SNTB1: variants seen among roughly 807,000 people sequenced by gnomAD.
The protein encoded by SNTB1 is syntrophin beta 1, also known as beta-1-syntrophin.
SNTB1 carries 36 observed loss-of-function variants against 48.9 expected under a neutral mutation model. The ratio of observed to expected loss-of-function variants is 0.74; its 90% CI spans 0.56 to 0.97. The LOEUF (loss-of-function observed/expected upper bound fraction) is 0.97. SNTB1 is among the 50% of genes least tolerant of loss of function. SNTB1 has a pLI of 0.00. For missense variants in SNTB1, 786 were observed against 703.4 expected, an observed-to-expected ratio of 1.12 and a Z score of -1.33; for synonymous variants, 299 against 294.6, an observed-to-expected ratio of 1.01 and a Z score of -0.15.
chr8:120,721,506 C>G (rs1352267341), intron 1 of SNTB1, among the ~76,000 whole-genome samples: 1 of 152,198 alleles, frequency 6.6e-6, no homozygotes, highest in African/African-American at 2.4e-5. Context: ...ATCCTAACTT[C>G]CAGTTAAAAA....
At chr8:120,695,430 T>C (rs557647511) in intron 1 of SNTB1, among the ~76,000 whole-genome samples, 3 of 152,274 alleles carry the variant, frequency 2.0e-5, no homozygotes, top group East Asian at 3.9e-4. Context: ...GAACAACTCA[T>C]AGCTGCCCCA....
chr8:120,676,181 C>T (rs1354278470), intron 2 of SNTB1, among the ~76,000 whole-genome samples: 1 of 152,228 alleles, frequency 6.6e-6, no homozygotes, highest in Admixed American at 6.5e-5. Context: ...TTTGAAGTCT[C>T]ATGTTGTACT....
chr8:120,572,493 G>A (rs1207020130), intron 4 of SNTB1, among the ~76,000 whole-genome samples: 1 of 152,128 alleles, frequency 6.6e-6, no homozygotes, highest in Admixed American at 6.5e-5. Context: ...GTCAGGCCTG[G>A]GAAATGTCAG....
At chr8:120,567,815 A>G (rs972357413) in intron 4 of SNTB1, among the ~76,000 whole-genome samples, 5 of 152,172 alleles carry the variant, frequency 3.3e-5, no homozygotes, top group African/African-American at 7.2e-5. Flanking sequence ...CTCTATATCC[A>G]TAAGTAAAAA....
chr8:120,728,302 T>C (rs779050148), intron 1 of SNTB1, among the ~76,000 whole-genome samples: 3 of 152,188 alleles, frequency 2.0e-5, no homozygotes. Flanking sequence ...CTGTGAAGTA[T>C]TTTTTAAACA....
chr8:120,540,251 C>G (rs1029494231), intron 6 of SNTB1, among the ~76,000 whole-genome samples: 1 of 152,192 alleles, frequency 6.6e-6, no homozygotes, highest in African/African-American at 2.4e-5. Context: ...TCCCCCTCCA[C>G]ACTGGGAAGG....
intron 1 of SNTB1, among the ~76,000 whole-genome samples, chr8:120,719,043 G>A (rs1254165087): frequency 6.6e-6 from 1 of 152,080 alleles, no homozygotes; most frequent in East Asian, 1.9e-4. Context: ...AACAGCAGAG[G>A]GACTGAATAG....
intron 1 of SNTB1, among the ~76,000 whole-genome samples, chr8:120,724,154 G>A (rs1160124813): frequency 2.6e-5 from 4 of 152,216 alleles, no homozygotes; most frequent in Non-Finnish European, 5.9e-5. Flanking sequence ...TTTTGCTGTA[G>A]GTTCAAACTG....
chr8:120,590,635 G>A (rs962959564), intron 3 of SNTB1, among the ~76,000 whole-genome samples: 4 of 150,576 alleles, frequency 2.7e-5, no homozygotes, highest in African/African-American at 9.8e-5. Flanking sequence ...TCTCATCTTT[G>A]CTTCTCCTGT....
chr8:120,574,929 ATTAATC>A (rs1341217262), intron 4 of SNTB1, among the ~76,000 whole-genome samples, 151 bp downstream of exon 4: 1 of 152,200 alleles, frequency 6.6e-6, no homozygotes, highest in African/African-American at 2.4e-5. Flanking sequence ...ATAAATGATC[ATTAATC>A]TATGTGGCTA....
intron 1 of SNTB1, among the ~76,000 whole-genome samples, chr8:120,762,438 C>T (rs1302528632): frequency 6.6e-6 from 1 of 152,136 alleles, no homozygotes; most frequent in Non-Finnish European, 1.5e-5. Context: ...AGGACTGGGG[C>T]CATGAAAGGC....
intron 3 of SNTB1, among the ~76,000 whole-genome samples, chr8:120,601,503 G>A (rs1308768676): frequency 1.3e-5 from 2 of 152,040 alleles, no homozygotes; most frequent in Non-Finnish European, 2.9e-5. Context: ...CATATCCTTC[G>A]TGCTAAAAAA....
chr8:120,803,027 A>G (rs1434158707), intron 1 of SNTB1, among the ~76,000 whole-genome samples: 2 of 152,132 alleles, frequency 1.3e-5, no homozygotes, highest in African/African-American at 4.8e-5. Context: ...ACAACAAAAA[A>G]AAAACTGTGA....
intron 2 of SNTB1, among the ~76,000 whole-genome samples, chr8:120,644,532 T>C (rs1268011559): frequency 1.3e-5 from 2 of 152,194 alleles, no homozygotes; most frequent in African/African-American, 4.8e-5. Flanking sequence ...ATGGTGTATA[T>C]GTGCCACATT....
chr8:120,548,669 G>T, intron 5 of SNTB1, 93 bp downstream of exon 5: 1 of 1,092,996 alleles, frequency 9.1e-7, no homozygotes, highest in Non-Finnish European at 1.4e-6. Flanking sequence ...TATCCCCAGA[G>T]GCCAGTGATG....
chr8:120,656,573 T>A (rs1817507130), intron 2 of SNTB1, among the ~76,000 whole-genome samples: 11 of 152,216 alleles, frequency 7.2e-5, no homozygotes, highest in Admixed American at 7.2e-4. Flanking sequence ...ATAAGGCATC[T>A]AAATAGACAA....
chr8:120,734,723 T>C (rs1370761477), intron 1 of SNTB1, among the ~76,000 whole-genome samples: 11 of 152,150 alleles, frequency 7.2e-5, no homozygotes, highest in Admixed American at 7.2e-4. Flanking sequence ...GAAACACAGC[T>C]TGGTGGAACC....
At position 120,691,015 on chromosome 8, in the gene SNTB1, A is replaced by G. The variant is rs191300459; in HGVS notation, c.788+2677T>C. 2.8e-3 allele frequency among the ~76,000 whole-genome samples: 428 copies of G among 152,328 alleles called. 8 individuals carry two copies. The highest frequency in any genetic ancestry group is 0.026 in the Admixed American group (398 of 15,292). On this transcript the variant is annotated intron_variant, in intron 2 of 6. Transcript: ENST00000517992. ...CTCCCTCTCCCACAGGGGAAGCCCT[A>G]TGTATAATCGTCAATGGTGGACTTG...
intron 1 of SNTB1, among the ~76,000 whole-genome samples, chr8:120,704,024 T>G (rs1479129132): frequency 6.6e-6 from 1 of 152,216 alleles, no homozygotes; most frequent in Admixed American, 6.5e-5. Flanking sequence ...GGTGTCTAGC[T>G]CTACAGCCTC....
Sources: gnomAD v4.1 joint callset for allele counts (sites outside exome capture counted in the v4.1 genomes callset) on GRCh38, gnomAD v4.1.1 for gene constraint, MANE v1.5 for transcripts, NCBI Gene and HGNC (gene_info 2026-07-23, HGNC 2026-07-21) for gene names.